Variants in PLXNA2 observed in about 807,000 individuals in gnomAD.
PLXNA2 encodes plexin-A2.
PLXNA2 carries 91 observed loss-of-function variants against 193.5 expected under a neutral mutation model. That is an observed-to-expected ratio of 0.47 (90% CI 0.40 to 0.56). The LOEUF (loss-of-function observed/expected upper bound fraction) is 0.56, where lower values mean the gene tolerates loss of function less well. Ranked by LOEUF, PLXNA2 falls within the 20% of genes least tolerant of loss-of-function variation. The probability of loss-of-function intolerance (pLI) is 0.00; values close to 1 mark genes in which losing one functional copy is unlikely to be tolerated. For missense variants in PLXNA2, 1,995 were observed against 2,503.2 expected (o/e 0.80, Z 4.33); for synonymous variants, 997 against 1,027.3 (o/e 0.97, Z 0.56).
chr1:208,179,863 C>T (rs914676423), intron 3 of PLXNA2, among the ~76,000 whole-genome samples: 1 of 152,154 alleles, frequency 6.6e-6, no homozygotes, highest in Non-Finnish European at 1.5e-5. Context: ...TCTACAGTAT[C>T]CCCTGCCACC....
intron 4 of PLXNA2, among the ~76,000 whole-genome samples, chr1:208,112,401 C>T (rs4844407): frequency 0.29 from 44,738 of 152,128 alleles, 7,016 homozygotes; most frequent in South Asian, 0.4. Flanking sequence ...AAGTAAGATG[C>T]TGGACTTTCT....
chr1:208,049,178 A>G (rs1252942404), intron 17 of PLXNA2, among the ~76,000 whole-genome samples: 2 of 151,966 alleles, frequency 1.3e-5, no homozygotes, highest in East Asian at 1.9e-4. Flanking sequence ...TCCCCCTGTG[A>G]CCCCTGGGGC....
chr1:208,039,591 A>C, intron 24 of PLXNA2, 30 bp downstream of exon 24: 1 of 1,611,588 alleles, frequency 6.2e-7, no homozygotes, highest in Non-Finnish European at 8.5e-7. Context: ...GAAGATACAC[A>C]GGCGGGCCCG....
intron 12 of PLXNA2, among the ~76,000 whole-genome samples, chr1:208,067,016 CA>C (rs1323004898): frequency 1.3e-5 from 2 of 152,068 alleles, no homozygotes; most frequent in Non-Finnish European, 2.9e-5. Context: ...TACAAAGAGT[CA>C]AAAGGTTAAA....
chr1:208,162,024 C>T (rs1353453255), intron 3 of PLXNA2, among the ~76,000 whole-genome samples: 1 of 152,184 alleles, frequency 6.6e-6, no homozygotes, highest in Non-Finnish European at 1.5e-5. Flanking sequence ...AACTTGATCT[C>T]TCCCCTTCTT....
chr1:208,106,278 T>A (rs759485537), intron 4 of PLXNA2, among the ~76,000 whole-genome samples: 1 of 152,168 alleles, frequency 6.6e-6, no homozygotes, highest in Non-Finnish European at 1.5e-5. Context: ...CTCTGTCTCT[T>A]ATATTCATGT....
rs767152449 is a variant in PLXNA2 at position 208,028,928 on chromosome 1, G to A, written c.5340C>T (p.Asp1780=). 1.9e-6 allele frequency: 3 copies of A among 1,614,058 alleles called. No individual in the cohort carries two copies. Among genetic ancestry groups the A allele is most frequent in the Non-Finnish European group, 8.5e-7 (1 of 1,180,038 alleles). ...CLSVVAQTFM[D]SCSTSEHRLG... The stretch of plus-strand genomic sequence containing the variant: ...GCCGGTGCTCTGACGTTGAACAAGA[G>A]TCCATGAAGGTCTGGGCCACCACAG... The change falls in exon 30 of 32, where the codon GAC becomes GAT. Residue 1780 remains aspartate (D), a synonymous_variant. Coordinates refer to ENST00000367033, the MANE Select transcript of PLXNA2 (RefSeq NM_025179.4). This position sits in a 1 kb window ranked among gnomAD's most constrained non-coding sequence, Gnocchi z 4.2.
intron 4 of PLXNA2, among the ~76,000 whole-genome samples, chr1:208,124,561 C>A (rs996521143): frequency 2.6e-5 from 4 of 151,720 alleles, no homozygotes; most frequent in African/African-American, 7.3e-5. Flanking sequence ...CGCCTGTAAT[C>A]CCAGCTACTT....
rs12406472 is a variant in PLXNA2 at position 208,043,626 on chromosome 1, G to A, written c.3875-423C>T. ...AATCAAGATGCAAAAGCCTAGGGGA[G>A]GTCTGGTCATGAGACGCTCAGCTGA... On this transcript the variant is annotated intron_variant, in intron 20 of 31. Transcript: ENST00000367033. Among the ~76,000 whole-genome samples, 103 of 152,306 alleles carry A rather than the reference G, an allele frequency of 6.8e-4. No individual in the cohort carries two copies. The East Asian group carries it at 9.9e-3, about 15-fold the overall frequency.
intron 4 of PLXNA2, among the ~76,000 whole-genome samples, chr1:208,128,470 ATTG>A (rs1400549089): frequency 6.6e-6 from 1 of 151,830 alleles, no homozygotes; most frequent in East Asian, 2.0e-4. Context: ...GGTAGGTATT[ATTG>A]TTATCCCCAC....
In PLXNA2 at chr1:208,216,748, T is replaced by C. The variant is rs1290442574; in HGVS notation, c.1175A>G (p.Gln392Arg). ...GTGCCTCCTTACCGCCTTGGTGCAC[T>C]GGACGTCCTTCCCCAGCAGCCAGTT... ...ELNWLLGKDV[Q>R]CTKAPVPIDD... is the part of the protein sequence containing the mutation. Residue 392 changes from glutamine (Q) to arginine (R), a missense_variant, in exon 2 of 32, where the codon CAG becomes CGG. By Grantham distance (43) the Gln-to-Arg change is conservative (BLOSUM62 1). This residue lies in a region of PLXNA2 where 702 missense variants were observed against 812.9 expected (regional missense o/e 0.86). Transcript: ENST00000367033. 1.9e-6 allele frequency: 3 copies of C among 1,612,936 alleles called. No homozygotes were observed. The highest frequency in any genetic ancestry group is 2.5e-6 in the Non-Finnish European group (3 of 1,179,830).
intron 1 of PLXNA2, among the ~76,000 whole-genome samples, chr1:208,239,151 T>C (rs1018921987): frequency 2.4e-5 from 3 of 123,726 alleles, no homozygotes; most frequent in African/African-American, 8.9e-5. Flanking sequence ...ATTTTTTTTC[T>C]TCTAAAAAAA....
chr1:208,181,081 C>T (rs934543655), intron 3 of PLXNA2, among the ~76,000 whole-genome samples: 2 of 152,204 alleles, frequency 1.3e-5, no homozygotes, highest in African/African-American at 4.8e-5. Context: ...TTTTAATTTG[C>T]TGGACTGGGA....
At chr1:208,170,225 G>A (rs1351240931) in intron 3 of PLXNA2, among the ~76,000 whole-genome samples, 1 of 152,142 alleles carries the variant, frequency 6.6e-6, no homozygotes, top group African/African-American at 2.4e-5. Context: ...CAAAAAAATA[G>A]GCCATTTTTA....
intron 3 of PLXNA2, among the ~76,000 whole-genome samples, chr1:208,188,046 C>T (rs1670061975): frequency 1.3e-5 from 2 of 152,188 alleles, no homozygotes; most frequent in Non-Finnish European, 2.9e-5. Context: ...TTCTCTCCCC[C>T]AGCTCCACAT....
At chr1:208,039,901 G>A (rs571828981) in intron 23 of PLXNA2, 91 bp downstream of exon 23, 5 of 1,578,426 alleles carry the variant, frequency 3.2e-6, no homozygotes, top group African/African-American at 2.7e-5. Flanking sequence ...GCTCCCGAGG[G>A]AGGGGGTCCC....
At chr1:208,173,511 G>T (rs1669560766) in intron 3 of PLXNA2, among the ~76,000 whole-genome samples, 2 of 152,202 alleles carry the variant, frequency 1.3e-5, no homozygotes, top group Non-Finnish European at 2.9e-5. Context: ...TCTAAGTGAA[G>T]TTCTCAGAAT....
intron 1 of PLXNA2, among the ~76,000 whole-genome samples, chr1:208,224,562 A>C (rs1463357196): frequency 6.6e-6 from 1 of 152,208 alleles, no homozygotes; most frequent in Non-Finnish European, 1.5e-5. Flanking sequence ...TTTCCTATGG[A>C]AAATAGCGGG....
chr1:208,033,262 G>A, intron 28 of PLXNA2, 57 bp downstream of exon 28: 1 of 1,453,768 alleles, frequency 6.9e-7, no homozygotes, highest in Non-Finnish European at 9.5e-7. Context: ...GTGTTGTGGA[G>A]GGGCAGGATG....
Sources: gnomAD v4.1 joint callset for allele counts (sites outside exome capture counted in the v4.1 genomes callset) on GRCh38, gnomAD v4.1.1 for gene constraint, gnomAD v4.1.1 regional missense constraint, Gnocchi (gnomAD v3.1) non-coding constraint, MANE v1.5 for transcripts, NCBI Gene and HGNC (gene_info 2026-07-23, HGNC 2026-07-21) for gene names.